TCF12: variants seen among roughly 807,000 people sequenced by gnomAD.
TCF12 encodes DNA-binding protein HTF4.
TCF12 carries 45 observed loss-of-function variants against 86.0 expected under a neutral mutation model. That is an observed-to-expected ratio of 0.52 (90% CI 0.41 to 0.67). The LOEUF is 0.67. Among genes scored for constraint, TCF12 ranks in the 30% least tolerant of loss-of-function variants. The probability of loss-of-function intolerance (pLI) is 0.00; values close to 1 mark genes in which losing one functional copy is unlikely to be tolerated. For synonymous variants in TCF12, 330 were observed against 299.6 expected (o/e 1.10, Z -1.05); for missense variants, 881 against 859.9 (o/e 1.02, Z -0.31).
At chr15:56,929,463 TA>T (rs2060153583) in intron 3 of TCF12, among the ~76,000 whole-genome samples, 1 of 152,200 alleles carries the variant, frequency 6.6e-6, no homozygotes, top group African/African-American at 2.4e-5. Context: ...AAAGAAAATG[TA>T]ATTTTTATAG....
At chr15:57,176,680 A>T (rs2733343) in intron 6 of TCF12, among the ~76,000 whole-genome samples, 10,244 of 152,228 alleles carry the variant, frequency 0.067, 1,033 homozygotes, top group African/African-American at 0.22. Flanking sequence ...AGGAGAATTG[A>T]TGTAGTGATA....
chr15:57,073,916 T>G (rs898680029), intron 4 of TCF12, among the ~76,000 whole-genome samples: 3 of 151,648 alleles, frequency 2.0e-5, no homozygotes, highest in African/African-American at 7.3e-5. Flanking sequence ...TCCTGGCTAA[T>G]TTTTTTTGTA....
At chr15:57,208,365 T>G (rs2057941685) in intron 8 of TCF12, among the ~76,000 whole-genome samples, 1 of 136,218 alleles carries the variant, frequency 7.3e-6, no homozygotes, top group Non-Finnish European at 1.6e-5. Context: ...ACCTTGTTCT[T>G]TGGACAAAAA....
At chr15:57,216,511 C>T (rs1330560920) in intron 8 of TCF12, among the ~76,000 whole-genome samples, 1 of 149,500 alleles carries the variant, frequency 6.7e-6, no homozygotes, top group East Asian at 2.0e-4. Context: ...CTGTCTCCAG[C>T]TGACTCGTTT....
intron 3 of TCF12, among the ~76,000 whole-genome samples, chr15:57,013,749 C>T (rs2064982766): frequency 6.6e-6 from 1 of 152,070 alleles, no homozygotes; most frequent in Non-Finnish European, 1.5e-5. Context: ...CTTCTTTTTA[C>T]CTGAAGAAAC....
chr15:57,252,511 G>A lies in TCF12; in HGVS notation c.1260+19G>A. 1.2e-6 allele frequency: 2 copies of A among 1,605,458 alleles called. No homozygotes were observed. The highest frequency in any genetic ancestry group is 1.1e-5 in the South Asian group (1 of 90,706). ...CTGTGAGGTACTATTTCTTTTAGAT[G>A]GTGCCTTTTTTGTGTTTCAATTAAT... is the stretch of plus-strand genomic sequence containing the variant. On this transcript the variant is annotated intron_variant, in intron 15 of 20. Coordinates refer to ENST00000333725, the MANE Select transcript of TCF12 (RefSeq NM_207037.2).
At chr15:57,231,564 T>G (rs2059140892) in intron 9 of TCF12, among the ~76,000 whole-genome samples, 1 of 152,168 alleles carries the variant, frequency 6.6e-6, no homozygotes, top group Non-Finnish European at 1.5e-5. Context: ...AACTGTTAAC[T>G]CTAGTTTCTT....
At chr15:57,226,778 A>G (rs557762870) in intron 8 of TCF12, among the ~76,000 whole-genome samples, 25 of 152,166 alleles carry the variant, frequency 1.6e-4, no homozygotes, top group Non-Finnish European at 2.5e-4. Flanking sequence ...ACTGCCGGAT[A>G]AGAAGGATCT....
chr15:57,097,197 AATCACC>A (rs1417884303), intron 5 of TCF12, among the ~76,000 whole-genome samples: 35 of 152,270 alleles, frequency 2.3e-4, no homozygotes, highest in African/African-American at 8.4e-4. Context: ...AAATATGTAG[AATCACC>A]ATTTTCAGAC....
At chr15:56,995,296 G>T in intron 3 of TCF12, among the ~76,000 whole-genome samples, 1 of 83,264 alleles carries the variant, frequency 1.2e-5, no homozygotes. Flanking sequence ...CTCTTTTTGG[G>T]TTCAATTTGA....
chr15:56,921,200 T>C, intron 3 of TCF12, 102 bp downstream of exon 3: 1 of 726,484 alleles, frequency 1.4e-6, no homozygotes, highest in Non-Finnish European at 2.0e-6. Flanking sequence ...AATATATGTA[T>C]ATAAAAGATG....
chr15:56,989,698 C>T (rs1356012964), intron 3 of TCF12, among the ~76,000 whole-genome samples: 3 of 152,116 alleles, frequency 2.0e-5, no homozygotes, highest in African/African-American at 7.2e-5. Context: ...GTGGGCTGAC[C>T]TTGACTTAGT....
chr15:57,028,999 A>G (rs145615447), intron 3 of TCF12, among the ~76,000 whole-genome samples: 56 of 152,200 alleles, frequency 3.7e-4, no homozygotes, highest in Middle Eastern at 3.4e-3. Context: ...GGGTTTTACC[A>G]TGTTGGCCAG....
chr15:56,958,929 T>C (rs190830627), intron 3 of TCF12, among the ~76,000 whole-genome samples: 2 of 152,306 alleles, frequency 1.3e-5, no homozygotes, highest in African/African-American at 4.8e-5. Flanking sequence ...ATACTACTTA[T>C]CTAGTGGATT....
intron 5 of TCF12, among the ~76,000 whole-genome samples, chr15:57,125,768 C>A (rs1231638530): frequency 6.6e-6 from 1 of 151,916 alleles, no homozygotes; most frequent in Non-Finnish European, 1.5e-5. Flanking sequence ...ATTTTATAAC[C>A]CTTTAAGTAA....
intron 4 of TCF12, among the ~76,000 whole-genome samples, chr15:57,069,919 C>G (rs907989195): frequency 1.3e-5 from 2 of 152,208 alleles, no homozygotes; most frequent in African/African-American, 2.4e-5. Context: ...AATTTAAGAG[C>G]TTGAGCATTA....
At chr15:57,155,179 AT>A (rs1352215410) in intron 5 of TCF12, among the ~76,000 whole-genome samples, 1 of 151,960 alleles carries the variant, frequency 6.6e-6, no homozygotes, top group Non-Finnish European at 1.5e-5. Context: ...GAATGTTGGG[AT>A]TTTTTTCTTT....
intron 3 of TCF12, among the ~76,000 whole-genome samples, chr15:56,974,293 G>A (rs1380885456): frequency 6.6e-6 from 1 of 151,982 alleles, no homozygotes; most frequent in African/African-American, 2.4e-5. Flanking sequence ...CAGGTAGACA[G>A]GAAAACAGAG....
chr15:57,051,298 G>T (rs1176413743), intron 3 of TCF12, among the ~76,000 whole-genome samples: 2 of 152,174 alleles, frequency 1.3e-5, no homozygotes, highest in African/African-American at 4.8e-5. Context: ...GTTGCTTTTA[G>T]TTGGGATTCT....
Sources: allele counts gnomAD v4.1 joint callset (sites outside exome capture counted in the v4.1 genomes callset), GRCh38; gene constraint gnomAD v4.1.1; transcripts MANE v1.5; gene names NCBI Gene and HGNC (gene_info 2026-07-23, HGNC 2026-07-21).